Variants in WDR7 observed in about 807,000 individuals in gnomAD.
WDR7 encodes WD repeat domain 7.
WDR7 carries 46 observed loss-of-function variants against 169.4 expected under a neutral mutation model. That is an observed-to-expected ratio of 0.27 (90% CI 0.21 to 0.35). The LOEUF is 0.35. Ranked by LOEUF, WDR7 falls within the 10% of genes least tolerant of loss-of-function variation. WDR7 has a pLI of 1.00. For synonymous variants in WDR7, 612 were observed against 666.8 expected (o/e 0.92, Z 1.27); for missense variants, 1,534 against 1,859.3 (o/e 0.83, Z 3.22).
intron 20 of WDR7, among the ~76,000 whole-genome samples, chr18:56,861,831 A>T (rs528045112): frequency 6.6e-6 from 1 of 152,134 alleles, no homozygotes; most frequent in Admixed American, 6.6e-5. Flanking sequence ...TGAACACTTA[A>T]TTAGGTTAAG....
chr18:56,708,238 T>C (rs1322045037), intron 12 of WDR7, among the ~76,000 whole-genome samples: 1 of 152,012 alleles, frequency 6.6e-6, no homozygotes, highest in Non-Finnish European at 1.5e-5. Flanking sequence ...TTCACCATGT[T>C]GGCCAGGCTG....
At chr18:56,906,113 G>A (rs1047532659) in intron 21 of WDR7, among the ~76,000 whole-genome samples, 1 of 152,144 alleles carries the variant, frequency 6.6e-6, no homozygotes, top group African/African-American at 2.4e-5. Context: ...GGCATTGTAC[G>A]CTTCTGATGG....
In WDR7 at chr18:56,889,368, A is replaced by G. The variant is rs549776014; in HGVS notation, c.3526+9203A>G. On this transcript the variant is annotated intron_variant, in intron 21 of 27. Coordinates refer to ENST00000254442, the MANE Select transcript of WDR7 (RefSeq NM_015285.3). ...AAGACATTTTTGTCCAACACTTAGC[A>G]CAATATGAGGCATGTTAATAATAGC... Among the ~76,000 whole-genome samples, 11 of 152,340 alleles carry G rather than the reference A, an allele frequency of 7.2e-5. No homozygotes were observed. The East Asian group carries it at 1.9e-3, about 27-fold the overall frequency.
intron 13 of WDR7, among the ~76,000 whole-genome samples, chr18:56,722,735 G>A (rs1381672026): frequency 2.0e-5 from 3 of 152,014 alleles, no homozygotes; most frequent in Non-Finnish European, 2.9e-5. Flanking sequence ...ATATGACTGT[G>A]CTTACTACTC....
At chr18:56,851,131 C>G (rs755429963) in intron 20 of WDR7, among the ~76,000 whole-genome samples, 3 of 152,126 alleles carry the variant, frequency 2.0e-5, no homozygotes, top group Non-Finnish European at 4.4e-5. Context: ...CACTGTTACT[C>G]CCCTGCTTAA....
chr18:56,864,129 GAAAA>G (rs1946480396), intron 20 of WDR7, among the ~76,000 whole-genome samples: 1 of 151,374 alleles, frequency 6.6e-6, no homozygotes, highest in African/African-American at 2.4e-5. Flanking sequence ...GCTCTTGAGA[GAAAA>G]AAGAAAAAGC....
intron 23 of WDR7, among the ~76,000 whole-genome samples, chr18:56,937,608 C>T (rs2046977929): frequency 6.6e-6 from 1 of 152,324 alleles, no homozygotes; most frequent in Admixed American, 6.5e-5. Context: ...GGGAAAATCA[C>T]ACTGAATGTA....
At chr18:56,969,187 C>T (rs1173790875) in intron 26 of WDR7, among the ~76,000 whole-genome samples, 1 of 152,204 alleles carries the variant, frequency 6.6e-6, no homozygotes, top group Non-Finnish European at 1.5e-5. Context: ...CTGCCTTTTC[C>T]TGTAACTGGC....
At chr18:56,785,685 T>A (rs1232622976) in intron 19 of WDR7, among the ~76,000 whole-genome samples, 1 of 152,194 alleles carries the variant, frequency 6.6e-6, no homozygotes, top group Non-Finnish European at 1.5e-5. Context: ...GGGACTAAGA[T>A]GATAAAGCAT....
intron 21 of WDR7, among the ~76,000 whole-genome samples, chr18:56,914,648 G>A (rs982925159): frequency 5.3e-5 from 8 of 152,136 alleles, no homozygotes; most frequent in Admixed American, 5.2e-4. Context: ...TAGGTTAATG[G>A]ATTTTTTTTA....
intron 26 of WDR7, among the ~76,000 whole-genome samples, chr18:56,998,447 C>T (rs1359738365): frequency 2.0e-5 from 3 of 152,114 alleles, no homozygotes; most frequent in Admixed American, 1.3e-4. Flanking sequence ...GGGCATACTT[C>T]GTGGGACATA....
chr18:56,929,275 CA>C (rs200441483), intron 22 of WDR7, among the ~76,000 whole-genome samples: 10,199 of 145,764 alleles, frequency 0.07, 584 homozygotes, highest in East Asian at 0.33. Context: ...GACCCTGTCT[CA>C]AAAAAAAAAA....
chr18:56,674,267 G>A (rs913128620), intron 2 of WDR7, among the ~76,000 whole-genome samples: 1 of 152,156 alleles, frequency 6.6e-6, no homozygotes, highest in East Asian at 1.9e-4. Context: ...GTGCATGAGG[G>A]TTCCAGGTTT....
intron 19 of WDR7, among the ~76,000 whole-genome samples, chr18:56,792,203 G>C (rs776650384): frequency 6.6e-6 from 1 of 151,900 alleles, no homozygotes; most frequent in African/African-American, 2.4e-5. Context: ...TTTTTCTTTC[G>C]TAAGGGGTCT....
intron 21 of WDR7, among the ~76,000 whole-genome samples, chr18:56,920,082 C>T (rs1422942312): frequency 6.6e-6 from 1 of 152,088 alleles, no homozygotes; most frequent in Non-Finnish European, 1.5e-5. Flanking sequence ...TATCCCTTCC[C>T]CAACCATACA....
chr18:56,954,064 G>A (rs1177307821), intron 25 of WDR7, among the ~76,000 whole-genome samples: 1 of 152,182 alleles, frequency 6.6e-6, no homozygotes, highest in Non-Finnish European at 1.5e-5. Flanking sequence ...AAAGACATTA[G>A]TAGTGGCATG....
intron 5 of WDR7, among the ~76,000 whole-genome samples, chr18:56,684,942 C>CT (rs2025416108): frequency 6.6e-6 from 1 of 152,136 alleles, no homozygotes; most frequent in Non-Finnish European, 1.5e-5. Flanking sequence ...ATATTTATCT[C>CT]TAATATTAGT....
In WDR7 at chr18:57,026,993, T is replaced by C. The variant is rs758506796; in HGVS notation, c.4270-11T>C. ...TGTTCAAGTGACACATGTGCTCTCC[T>C]GTCCCTCCAGATGAACACGTCACTG... On this transcript the variant is annotated splice_polypyrimidine_tract_variant and intron_variant, in intron 27 of 27. Coordinates refer to ENST00000254442, the MANE Select transcript of WDR7 (RefSeq NM_015285.3). 3.7e-6 allele frequency: 6 copies of C among 1,612,418 alleles called. No individual in the cohort carries two copies. Among genetic ancestry groups the C allele is most frequent in the Non-Finnish European group, 5.1e-6 (6 of 1,179,234 alleles).
At chr18:57,017,050 G>T (rs140126218) in intron 26 of WDR7, among the ~76,000 whole-genome samples, 1 of 152,178 alleles carries the variant, frequency 6.6e-6, no homozygotes, top group African/African-American at 2.4e-5. Context: ...CATCCAATCC[G>T]CTCCATCACA....
Sources: gnomAD v4.1 joint callset for allele counts (sites outside exome capture counted in the v4.1 genomes callset) on GRCh38, gnomAD v4.1.1 for gene constraint, MANE v1.5 for transcripts, NCBI Gene and HGNC (gene_info 2026-07-23, HGNC 2026-07-21) for gene names.